SOX6: variants seen among roughly 807,000 people sequenced by gnomAD.
SOX6 encodes the protein transcription factor SOX-6.
A neutral mutation model predicts 97.8 loss-of-function variants in SOX6; 11 were observed. The observed-to-expected ratio is 0.11, with a 90% confidence interval of 0.07 to 0.19. The LOEUF is 0.19. Among genes scored for constraint, SOX6 ranks in the 10% least tolerant of loss-of-function variants. The pLI is 1.00. For synonymous variants in SOX6, 360 were observed against 371.4 expected, an observed-to-expected ratio of 0.97 and a Z score of 0.35; for missense variants, 810 against 1,039.5, an observed-to-expected ratio of 0.78 and a Z score of 3.04.
chr11:16,724,954 A>G (rs969075357), intron 2 of SOX6, among the ~76,000 whole-genome samples: 1 of 152,234 alleles, frequency 6.6e-6, no homozygotes, highest in Non-Finnish European at 1.5e-5. Flanking sequence ...ACAGTCTGAC[A>G]GTTCCTCAAA....
At chr11:16,102,079 GA>G in intron 7 of SOX6, among the ~76,000 whole-genome samples, 2 of 151,972 alleles carry the variant, frequency 1.3e-5, no homozygotes, top group South Asian at 4.1e-4. Context: ...CGGTAAAAAG[GA>G]AGTCAAAGTG....
chr11:16,224,066 A>G (rs879273222), intron 4 of SOX6, among the ~76,000 whole-genome samples: 5 of 152,056 alleles, frequency 3.3e-5, no homozygotes, highest in Admixed American at 2.0e-4. Flanking sequence ...TCCTAAAATT[A>G]GCCTTTTAAA....
At chr11:16,507,548 G>A (rs1860811022) in intron 4 of SOX6, among the ~76,000 whole-genome samples, 1 of 152,058 alleles carries the variant, frequency 6.6e-6, no homozygotes, top group Non-Finnish European at 1.5e-5. Context: ...AGAACAACAT[G>A]GTATTGATAT....
At chr11:16,719,341 C>G (rs971197177) in intron 2 of SOX6, among the ~76,000 whole-genome samples, 2 of 152,084 alleles carry the variant, frequency 1.3e-5, no homozygotes, top group African/African-American at 4.8e-5. Context: ...ACTTTTATCC[C>G]TCTACAGAGT....
chr11:16,408,379 C>T (rs2133052623), intron 1 of SOX6, among the ~76,000 whole-genome samples: 1 of 151,998 alleles, frequency 6.6e-6, no homozygotes, highest in Admixed American at 6.6e-5. Context: ...AAGGAAAGCT[C>T]GAACTCCTTA....
intron 1 of SOX6, among the ~76,000 whole-genome samples, chr11:16,369,987 C>A (rs1464710603): frequency 1.3e-5 from 2 of 152,046 alleles, no homozygotes; most frequent in Non-Finnish European, 2.9e-5. Flanking sequence ...TTCTTTCAGC[C>A]CTCCCAATAC....
At chr11:16,083,895 G>A (rs1023978179) in intron 9 of SOX6, among the ~76,000 whole-genome samples, 2 of 152,182 alleles carry the variant, frequency 1.3e-5, no homozygotes, top group African/African-American at 4.8e-5. Context: ...GGAACCAGTG[G>A]TAGAGTTGGG....
chr11:16,570,040 T>C (rs1239762386), intron 4 of SOX6, among the ~76,000 whole-genome samples: 1 of 152,098 alleles, frequency 6.6e-6, no homozygotes, highest in Admixed American at 6.6e-5. Flanking sequence ...CTCACTCATT[T>C]TGAGATGCTC....
At chr11:16,139,199 CT>C (rs1400249634) in intron 6 of SOX6, among the ~76,000 whole-genome samples, 5 of 152,066 alleles carry the variant, frequency 3.3e-5, no homozygotes, top group African/African-American at 9.7e-5. Flanking sequence ...TCGTGTTACA[CT>C]TTTTTTCTAC....
At chr11:16,447,475 GTC>G (rs963931494) in intron 1 of SOX6, among the ~76,000 whole-genome samples, 6 of 110,668 alleles carry the variant, frequency 5.4e-5, no homozygotes, top group African/African-American at 6.2e-5. Flanking sequence ...TTCTTTCTTT[GTC>G]TCTCTCTCTC....
chr11:16,665,665 A>G (rs756859516), intron 3 of SOX6, among the ~76,000 whole-genome samples: 3 of 152,150 alleles, frequency 2.0e-5, no homozygotes, highest in Non-Finnish European at 2.9e-5. Flanking sequence ...CCTCCTGCTT[A>G]TTGCAGAGGC....
intron 4 of SOX6, among the ~76,000 whole-genome samples, chr11:16,500,524 C>T (rs183704667): frequency 6.6e-6 from 1 of 152,216 alleles, no homozygotes; most frequent in Admixed American, 6.5e-5. Context: ...TCAGATTGTC[C>T]CTGTTTGCAG....
chr11:16,457,784 T>C (rs1383906986), intron 1 of SOX6, among the ~76,000 whole-genome samples: 1 of 152,092 alleles, frequency 6.6e-6, no homozygotes, highest in East Asian at 1.9e-4. Context: ...AAAAAGTATG[T>C]TGAGTTTTAG....
intron 6 of SOX6, among the ~76,000 whole-genome samples, chr11:16,113,713 A>T (rs1009144677): frequency 3.9e-5 from 6 of 152,186 alleles, no homozygotes; most frequent in Non-Finnish European, 8.8e-5. Context: ...ATACTCTAAA[A>T]AGGGAGAAAA....
chr11:16,500,605 G>C (rs991932089), intron 4 of SOX6, among the ~76,000 whole-genome samples: 1 of 152,178 alleles, frequency 6.6e-6, no homozygotes, highest in Non-Finnish European at 1.5e-5. Flanking sequence ...AGCAACTTCA[G>C]CAAAGTCTCA....
At chr11:16,121,163 G>T (rs1849481047) in intron 6 of SOX6, among the ~76,000 whole-genome samples, 1 of 151,950 alleles carries the variant, frequency 6.6e-6, no homozygotes, top group South Asian at 2.1e-4. Context: ...GTAGTCAAAA[G>T]TAATTACTTT....
At chr11:16,083,569 C>T (rs1427517062) in intron 9 of SOX6, among the ~76,000 whole-genome samples, 1 of 152,110 alleles carries the variant, frequency 6.6e-6, no homozygotes, top group Non-Finnish European at 1.5e-5. Context: ...GTCCTCTTGG[C>T]CAATTCAGTT....
chr11:16,318,120 G>A, intron 3 of SOX6: 1 of 378,318 alleles, frequency 2.6e-6, no homozygotes, highest in Non-Finnish European at 5.0e-6. Flanking sequence ...AGGAAATAGG[G>A]GAGAAAAAAT....
chr11:16,406,614 C>T (rs986756341), intron 1 of SOX6, among the ~76,000 whole-genome samples: 23 of 152,192 alleles, frequency 1.5e-4, no homozygotes, highest in Non-Finnish European at 3.2e-4. Context: ...GCTAACATCC[C>T]ATTGGCCAAC....
Sources: allele counts gnomAD v4.1 joint callset (sites outside exome capture counted in the v4.1 genomes callset), GRCh38; gene constraint gnomAD v4.1.1; transcripts MANE v1.5; gene names NCBI Gene and HGNC (gene_info 2026-07-23, HGNC 2026-07-21).